Variants in ZNF423 observed in about 807,000 individuals in gnomAD.
ZNF423 encodes the protein Ebf-associated zinc finger protein.
In ZNF423, 12 loss-of-function variants were observed where a neutral mutation model predicts 95.8. The ratio of observed to expected loss-of-function variants is 0.13; its 90% CI spans 0.08 to 0.20. The LOEUF (loss-of-function observed/expected upper bound fraction) is 0.20, where lower values mean the gene tolerates loss of function less well. Among genes scored for constraint, ZNF423 ranks in the 10% least tolerant of loss-of-function variants. ZNF423 has a pLI of 1.00. For missense variants in ZNF423, 1,316 were observed against 1,737.1 expected, an observed-to-expected ratio of 0.76 and a Z score of 4.31; for synonymous variants, 749 against 711.9, an observed-to-expected ratio of 1.05 and a Z score of -0.83.
intron 3 of ZNF423, among the ~76,000 whole-genome samples, chr16:49,645,815 T>C (rs1335408539): frequency 6.6e-6 from 1 of 152,192 alleles, no homozygotes; most frequent in African/African-American, 2.4e-5. Context: ...TAAGTTCTCA[T>C]GAGATCTGAT....
chr16:49,842,414 C>A (rs368754565), intron 1 of ZNF423, among the ~76,000 whole-genome samples: 8,597 of 47,164 alleles, frequency 0.18, 346 homozygotes, highest in African/African-American at 0.24. Flanking sequence ...GGAAGGAAGG[C>A]AGGCAGGCAG....
intron 1 of ZNF423, chr16:49,854,217 G>C (rs1047727647): frequency 1.0e-6 from 1 of 985,304 alleles, no homozygotes; most frequent in Admixed American, 6.1e-5. Flanking sequence ...AGGGTGAGGC[G>C]AACAAGACCA....
At chr16:49,783,602 C>T (rs555749394) in intron 2 of ZNF423, among the ~76,000 whole-genome samples, 9 of 82,134 alleles carry the variant, frequency 1.1e-4, no homozygotes, top group East Asian at 3.2e-4. Flanking sequence ...GGGTAGGTTT[C>T]GTACAAGGCT....
At chr16:49,580,446 T>C (rs539649897) in intron 5 of ZNF423, among the ~76,000 whole-genome samples, 1 of 152,252 alleles carries the variant, frequency 6.6e-6, no homozygotes, top group Non-Finnish European at 1.5e-5. Flanking sequence ...GGAAAATACA[T>C]GTATTCATTC....
intron 3 of ZNF423, among the ~76,000 whole-genome samples, chr16:49,723,759 T>C (rs1015729929): frequency 1.3e-5 from 2 of 152,210 alleles, no homozygotes; most frequent in African/African-American, 4.8e-5. Context: ...GAGGGAAGGA[T>C]CCAATTTCCT....
intron 1 of ZNF423, among the ~76,000 whole-genome samples, chr16:49,852,546 G>C (rs1478366958): frequency 6.6e-6 from 1 of 151,996 alleles, no homozygotes; most frequent in African/African-American, 2.4e-5. Flanking sequence ...AGCATGATGA[G>C]AACAGCCCGG....
rs1219384422 is a variant in ZNF423 at position 49,490,739 on chromosome 16, C to G, written c.*536G>C. 1 of 156,926 alleles carries G rather than the reference C, an allele frequency of 6.4e-6. No individual in the cohort carries two copies. Among genetic ancestry groups the G allele is most frequent in the East Asian group, 1.8e-4 (1 of 5,480 alleles). 9.7% of individuals were successfully genotyped at this position (156,926 alleles called of 1,614,324 possible). ...ATAGTTTTAATCACTGTCCGGTGAA[C>G]TGGCAAATCCAATCAAAGCATTAGT... On this transcript the variant is annotated 3_prime_UTR_variant, in exon 8 of 8. Transcript: ENST00000563137.
chr16:49,679,489 A>AG (rs1318749547), intron 3 of ZNF423, among the ~76,000 whole-genome samples: 1 of 152,238 alleles, frequency 6.6e-6, no homozygotes, highest in Admixed American at 6.5e-5. Context: ...AGCAAAGTTG[A>AG]GGCCAAGCCC....
At chr16:49,654,797 C>G (rs956351174) in intron 3 of ZNF423, among the ~76,000 whole-genome samples, 1 of 152,236 alleles carries the variant, frequency 6.6e-6, no homozygotes, top group African/African-American at 2.4e-5. Context: ...AAGGCTGTCT[C>G]TAACTCCTCT....
At chr16:49,806,040 G>A (rs925719271) in intron 1 of ZNF423, among the ~76,000 whole-genome samples, 3 of 152,230 alleles carry the variant, frequency 2.0e-5, no homozygotes, top group African/African-American at 7.2e-5. Flanking sequence ...TAATCTCCTC[G>A]TTCATACATG....
intron 3 of ZNF423, among the ~76,000 whole-genome samples, chr16:49,677,275 A>G (rs2031114525): frequency 1.3e-5 from 1 of 76,524 alleles, no homozygotes; most frequent in African/African-American, 5.0e-5. Context: ...AGAGAAGAGA[A>G]GAGAAGAGAA....
At chr16:49,857,287 C>G (rs2035381377), upstream of ZNF423, among the ~76,000 whole-genome samples, 1 of 141,078 alleles carries the variant, frequency 7.1e-6, no homozygotes, top group African/African-American at 2.7e-5. This position sits in a 1 kb window ranked among gnomAD's most constrained non-coding sequence, Gnocchi z 6.2. Context: ...TCCGGCCGCC[C>G]GCAAAACCCG....
chr16:49,711,369 T>C (rs2032538414), intron 3 of ZNF423: 1 of 152,166 alleles, frequency 6.6e-6, no homozygotes, highest in African/African-American at 2.4e-5. Context: ...CAGCAGCTAA[T>C]AAGAAGTAGG....
At chr16:49,839,591 G>A (rs2035161718) in intron 1 of ZNF423, among the ~76,000 whole-genome samples, 1 of 152,192 alleles carries the variant, frequency 6.6e-6, no homozygotes, top group Non-Finnish European at 1.5e-5. Context: ...ATGACACTGA[G>A]GTCCCCAGGG....
intron 5 of ZNF423, among the ~76,000 whole-genome samples, chr16:49,530,976 TC>T (rs1968820841): frequency 6.6e-6 from 1 of 152,112 alleles, no homozygotes; most frequent in African/African-American, 2.4e-5. Context: ...AAAATCCTGG[TC>T]AGAAGGAAGA....
intron 3 of ZNF423, among the ~76,000 whole-genome samples, chr16:49,725,840 C>T (rs998146478): frequency 6.6e-5 from 10 of 152,226 alleles, no homozygotes; most frequent in African/African-American, 1.7e-4. Context: ...GCAGCACGCA[C>T]CCCATCTGCT....
Position 49,730,901 on chromosome 16 carries a change from T to A in ZNF423, c.171A>T (p.Thr57=). The change falls in exon 3 of 8, where the codon ACA becomes ACT. Residue 57 remains threonine, a synonymous_variant. Coordinates refer to ENST00000563137, the MANE Select transcript of ZNF423 (RefSeq NM_001379286.1). ...SRALEDRNSV[T]SQEERNEDDE... is the part of the protein sequence containing the mutation. ...CATCCTCATTTCTCTCCTCTTGACT[T>A]GTCACGCTGTTCCTGTCTTCCAGCG... is the stretch of plus-strand genomic sequence containing the variant. 2 of 1,614,218 alleles carry A rather than the reference T, an allele frequency of 1.2e-6. No individual in the cohort carries two copies. Among genetic ancestry groups the A allele is most frequent in the Non-Finnish European group, 1.7e-6 (2 of 1,180,038 alleles).
At chr16:49,537,429 C>T (rs898124420) in intron 5 of ZNF423, among the ~76,000 whole-genome samples, 10 of 152,128 alleles carry the variant, frequency 6.6e-5, no homozygotes, top group Non-Finnish European at 7.3e-5. Context: ...CTCAGAGAGC[C>T]GGGTTTTTGC....
chr16:49,550,542 C>T (rs1479429204), intron 5 of ZNF423, among the ~76,000 whole-genome samples: 1 of 152,252 alleles, frequency 6.6e-6, no homozygotes, highest in African/African-American at 2.4e-5. Context: ...GTGGCCCAGC[C>T]AGAACCAAAG....
Sources: allele counts gnomAD v4.1 joint callset (sites outside exome capture counted in the v4.1 genomes callset), GRCh38; gene constraint gnomAD v4.1.1; non-coding constraint Gnocchi (gnomAD v3.1); transcripts MANE v1.5; gene names NCBI Gene and HGNC (gene_info 2026-07-23, HGNC 2026-07-21).